WWOX: variants seen among roughly 807,000 people sequenced by gnomAD.
The protein encoded by WWOX is WW domain containing oxidoreductase, also known as WW domain-containing oxidoreductase.
Under a neutral mutation model 46.2 loss-of-function variants are expected in WWOX, and 69 were observed. That is an observed-to-expected ratio of 1.49 (90% confidence interval 1.23 to 1.82). The LOEUF is 1.82. WWOX is among the 40% of genes most tolerant of loss of function. The probability of loss-of-function intolerance (pLI) is 0.00; values close to 1 mark genes in which losing one functional copy is unlikely to be tolerated. For synonymous variants in WWOX, 359 were observed against 202.6 expected, an observed-to-expected ratio of 1.77 and a Z score of -6.56; for missense variants, 919 against 542.6, an observed-to-expected ratio of 1.69 and a Z score of -6.89.
chr16:78,587,193 C>CTTTTTTTTTTTT lies in WWOX; in HGVS notation c.1056+154453_1056+154464dup, dbSNP rs528293412. Among the ~76,000 whole-genome samples the CTTTTTTTTTTTT allele has an allele frequency of 1.1e-3, 120 of 112,872 alleles. 6 individuals carry two copies. Among genetic ancestry groups the CTTTTTTTTTTTT allele is most frequent in the African/African-American group, 3.5e-3 (103 of 29,486 alleles). 74.0% of individuals were successfully genotyped at this position (112,872 alleles called of 152,430 possible). On this transcript the variant is annotated intron_variant, in intron 8 of 8. Coordinates refer to ENST00000566780, the MANE Select transcript of WWOX (RefSeq NM_016373.4). ...AGCAGATGCCACCATGCCTGGCTAA[C>CTTTTTTTTTTTT]TTTTTTTTTTTTTTTTTTTTTTTGT... is the stretch of plus-strand genomic sequence containing the variant.
intron 8 of WWOX, among the ~76,000 whole-genome samples, chr16:79,153,798 A>G (rs750970702): frequency 2.6e-5 from 4 of 151,952 alleles, no homozygotes; most frequent in Non-Finnish European, 4.4e-5. Flanking sequence ...TATGGGTAGG[A>G]GAATGCGTGC....
At chr16:78,461,257 T>A (rs1053924490) in intron 8 of WWOX, among the ~76,000 whole-genome samples, 1 of 152,220 alleles carries the variant, frequency 6.6e-6, no homozygotes, top group African/African-American at 2.4e-5. Context: ...CTGGGCATCC[T>A]GTATTTGACA....
intron 8 of WWOX, among the ~76,000 whole-genome samples, chr16:78,509,800 G>C (rs757064246): frequency 6.6e-6 from 1 of 151,930 alleles, no homozygotes; most frequent in Non-Finnish European, 1.5e-5. Context: ...ATTATGAATA[G>C]TATAAAAAAT....
rs890583182 is a variant in WWOX at position 78,167,137 on chromosome 16, T to C, written c.516+2848T>C. 2.6e-5 allele frequency: 4 copies of C among 152,212 alleles called. No homozygotes were observed. The South Asian group carries it at 6.2e-4, about 24-fold the overall frequency. The allele number at this position is 152,212 out of a possible 1,614,324, so 9.4% of individuals were successfully genotyped here. A position where few individuals can be genotyped will look rare whatever the true frequency, so the allele number is the denominator to read the frequency against. On this transcript the variant is annotated intron_variant, in intron 5 of 8. Transcript: ENST00000566780. ...TTTTTGCATCATTAAATTTATCCTC[T>C]TCTTTTCTGAGAACACAATATATAT...
intron 8 of WWOX, among the ~76,000 whole-genome samples, chr16:78,693,018 C>A (rs2048025739): frequency 6.6e-6 from 1 of 152,162 alleles, no homozygotes; most frequent in Admixed American, 6.5e-5. Flanking sequence ...TTTGAAAGCC[C>A]AACCATATGG....
intron 4 of WWOX, among the ~76,000 whole-genome samples, chr16:78,138,786 G>T (rs577484966): frequency 6.6e-6 from 1 of 152,176 alleles, no homozygotes; most frequent in East Asian, 1.9e-4. Context: ...GAGTCCCAGC[G>T]AAGTGCTTAA....
chr16:79,037,501 C>A (rs141646334), intron 8 of WWOX, among the ~76,000 whole-genome samples: 2 of 152,174 alleles, frequency 1.3e-5, no homozygotes, highest in Non-Finnish European at 2.9e-5. Flanking sequence ...GAGTCTAGGA[C>A]TCAGCAGCTG....
At chr16:78,366,575 A>G (rs2081540768) in intron 5 of WWOX, among the ~76,000 whole-genome samples, 1 of 152,216 alleles carries the variant, frequency 6.6e-6, no homozygotes, top group African/African-American at 2.4e-5. Flanking sequence ...TTCAGACAGA[A>G]TTCCTGCCCA....
At chr16:79,050,609 C>G (rs1567515199) in intron 8 of WWOX, among the ~76,000 whole-genome samples, 1 of 152,116 alleles carries the variant, frequency 6.6e-6, no homozygotes, top group Non-Finnish European at 1.5e-5. Context: ...GCCCCTGACC[C>G]AAGACTGCAC....
At chr16:78,690,952 T>C (rs2047972907) in intron 8 of WWOX, among the ~76,000 whole-genome samples, 1 of 152,162 alleles carries the variant, frequency 6.6e-6, no homozygotes, top group African/African-American at 2.4e-5. Flanking sequence ...TGTTTATCCA[T>C]TTGTGAAACC....
At chr16:78,374,651 C>T (rs1022423200) in intron 5 of WWOX, among the ~76,000 whole-genome samples, 1 of 150,302 alleles carries the variant, frequency 6.7e-6, no homozygotes, top group East Asian at 2.0e-4. Flanking sequence ...TCGGTTCATG[C>T]CATTCTCCTG....
chr16:78,413,007 T>C (rs928038824), intron 6 of WWOX, among the ~76,000 whole-genome samples: 3 of 152,190 alleles, frequency 2.0e-5, no homozygotes, highest in African/African-American at 4.8e-5. Flanking sequence ...AAAGATCTGA[T>C]TGAGCTGACG....
intron 7 of WWOX, 131 bp downstream of exon 7, chr16:78,425,186 A>G (rs970976114): frequency 4.0e-6 from 5 of 1,260,984 alleles, no homozygotes; most frequent in Non-Finnish European, 5.6e-6. Context: ...AGCTTGGCTC[A>G]CTTAATTTTT....
At position 78,810,251 on chromosome 16, in the gene WWOX, C is replaced by T. The variant is rs144345244; in HGVS notation, c.1056+377499C>T. On this transcript the variant is annotated intron_variant, in intron 8 of 8. Transcript: ENST00000566780. ...ATTTCTATCAGAACACAGTCTTATT[C>T]TCAGCTGATCTGCAATTTCCACCTG... 9.5e-3 allele frequency among the ~76,000 whole-genome samples: 1,445 copies of T among 152,310 alleles called. 7 individuals carry two copies. The highest frequency in any genetic ancestry group is 0.014 in the Non-Finnish European group (956 of 68,026).
At chr16:78,543,098 A>G (rs1053076680) in intron 8 of WWOX, among the ~76,000 whole-genome samples, 1 of 152,234 alleles carries the variant, frequency 6.6e-6, no homozygotes, top group African/African-American at 2.4e-5. Context: ...CTCATACGAC[A>G]TGTCCAGTGT....
intron 8 of WWOX, among the ~76,000 whole-genome samples, chr16:78,776,444 G>A (rs543686840): frequency 5.3e-5 from 8 of 151,960 alleles, no homozygotes; most frequent in Non-Finnish European, 7.4e-5. Flanking sequence ...TGTAAAATGG[G>A]GATTCCAGTG....
At chr16:78,423,415 C>G (rs1234654111) in intron 6 of WWOX, among the ~76,000 whole-genome samples, 1 of 151,956 alleles carries the variant, frequency 6.6e-6, no homozygotes, top group Non-Finnish European at 1.5e-5. Context: ...TTTATATTTG[C>G]TGCTTTAGTT....
chr16:79,038,173 C>T (rs535530483), intron 8 of WWOX, among the ~76,000 whole-genome samples: 1 of 152,142 alleles, frequency 6.6e-6, no homozygotes, highest in South Asian at 2.1e-4. Flanking sequence ...GCCACCTGCA[C>T]ACTTTTTTTT....
At chr16:78,259,483 T>C (rs1370726990) in intron 5 of WWOX, among the ~76,000 whole-genome samples, 2 of 145,158 alleles carry the variant, frequency 1.4e-5, no homozygotes, top group African/African-American at 5.2e-5. Flanking sequence ...CACGCCACTA[T>C]GCCCAGCTAA....
Sources: allele counts gnomAD v4.1 joint callset (sites outside exome capture counted in the v4.1 genomes callset), GRCh38; gene constraint gnomAD v4.1.1; transcripts MANE v1.5; gene names NCBI Gene and HGNC (gene_info 2026-07-23, HGNC 2026-07-21).